GUCY1A2: variants seen among roughly 807,000 people sequenced by gnomAD.
The protein encoded by GUCY1A2 is guanylate cyclase soluble subunit alpha-2.
In GUCY1A2, 27 loss-of-function variants were observed where a neutral mutation model predicts 63.5. The ratio of observed to expected loss-of-function variants is 0.43; its 90% CI spans 0.31 to 0.59. The LOEUF is 0.59. Ranked by LOEUF, GUCY1A2 falls within the 20% of genes least tolerant of loss-of-function variation. The pLI is 0.11. For synonymous variants in GUCY1A2, 364 were observed against 343.5 expected, an observed-to-expected ratio of 1.06 and a Z score of -0.66; for missense variants, 768 against 913.3, an observed-to-expected ratio of 0.84 and a Z score of 2.05.
chr11:106,978,479 C>A, intron 3 of GUCY1A2, 140 bp downstream of exon 3: 1 of 559,436 alleles, frequency 1.8e-6, no homozygotes, highest in Admixed American at 3.5e-5. Context: ...GGAGAGTTAA[C>A]ACCCATCACT....
At chr11:106,847,241 A>AAAT (rs1555039762) in intron 4 of GUCY1A2, among the ~76,000 whole-genome samples, 108 of 143,556 alleles carry the variant, frequency 7.5e-4, no homozygotes, top group Non-Finnish European at 1.2e-3. Context: ...CAAAAAAAAA[A>AAAT]ATATATATAT....
chr11:106,900,041 A>C (rs1860107522), intron 4 of GUCY1A2, among the ~76,000 whole-genome samples: 2 of 150,074 alleles, frequency 1.3e-5, no homozygotes, highest in African/African-American at 2.5e-5. Context: ...AGCTAAGATC[A>C]GGCCACTGCA....
intron 4 of GUCY1A2, among the ~76,000 whole-genome samples, chr11:106,828,275 C>A (rs1368809528): frequency 7.0e-6 from 1 of 143,346 alleles, no homozygotes; most frequent in Non-Finnish European, 1.5e-5. Flanking sequence ...TTGACTAGGC[C>A]CATGTTCAGA....
At position 106,683,877 on chromosome 11, in the gene GUCY1A2, C is replaced by T. The variant is rs1487460906; in HGVS notation, c.*3672G>A. The stretch of plus-strand genomic sequence containing the variant: ...CCTTACGACTTTAGATACACAATTT[C>T]ATTCAGCAGCAGTATGATTCTATAC... On this transcript the variant is annotated 3_prime_UTR_variant, in exon 8 of 8. Transcript: ENST00000526355. The T allele has an allele frequency of 9.8e-6, 2 of 203,600 alleles. No homozygotes were observed. The highest frequency in any genetic ancestry group is 2.0e-5 in the Non-Finnish European group (2 of 99,202). The allele number at this position is 203,600 out of a possible 1,614,324, so 12.6% of individuals were successfully genotyped here.
At chr11:106,888,097 T>C (rs1241573432) in intron 4 of GUCY1A2, among the ~76,000 whole-genome samples, 3 of 152,106 alleles carry the variant, frequency 2.0e-5, no homozygotes, top group Non-Finnish European at 4.4e-5. Context: ...CACCTGTGCC[T>C]ACACAGGGCA....
chr11:106,842,826 G>A (rs1317746802), intron 4 of GUCY1A2, among the ~76,000 whole-genome samples: 1 of 151,906 alleles, frequency 6.6e-6, no homozygotes, highest in East Asian at 1.9e-4. Context: ...ATAAGCTTCT[G>A]AGATTCTGTA....
At chr11:106,791,477 T>TTG (rs3042503) in intron 5 of GUCY1A2, among the ~76,000 whole-genome samples, 20 of 151,174 alleles carry the variant, frequency 1.3e-4, no homozygotes, top group African/African-American at 2.2e-4. Context: ...ATGGAGGTAT[T>TTG]TGTGTGTGTG....
chr11:106,687,826 A>G, intron 7 of GUCY1A2, 70 bp from the exon 8 acceptor site: 1 of 1,054,154 alleles, frequency 9.5e-7, no homozygotes, highest in Non-Finnish European at 1.5e-6. Flanking sequence ...CAGAAATTTT[A>G]AAGGCTCAGG....
intron 1 of GUCY1A2, among the ~76,000 whole-genome samples, chr11:107,001,998 G>A (rs932899869): frequency 4.0e-5 from 6 of 150,234 alleles, no homozygotes; most frequent in Admixed American, 4.0e-4. Flanking sequence ...CAGCCTGGGC[G>A]ACAGAGTGAG....
intron 4 of GUCY1A2, among the ~76,000 whole-genome samples, chr11:106,935,932 T>A (rs143356740): frequency 3.3e-5 from 5 of 152,154 alleles, no homozygotes; most frequent in African/African-American, 1.2e-4. Context: ...AAGTATGATT[T>A]GTAAAGGAGT....
chr11:106,720,207 A>G, intron 6 of GUCY1A2, among the ~76,000 whole-genome samples: 1 of 152,222 alleles, frequency 6.6e-6, no homozygotes, highest in East Asian at 1.9e-4. Context: ...TTTCGTGGCA[A>G]ACACAAAACA....
intron 5 of GUCY1A2, among the ~76,000 whole-genome samples, chr11:106,781,428 A>G (rs1333247112): frequency 6.6e-6 from 1 of 152,184 alleles, no homozygotes; most frequent in Admixed American, 6.5e-5. Flanking sequence ...ACATATTACT[A>G]TAGCTGCTTT....
chr11:106,820,287 T>A (rs998830289), intron 4 of GUCY1A2, among the ~76,000 whole-genome samples: 1 of 152,184 alleles, frequency 6.6e-6, no homozygotes, highest in African/African-American at 2.4e-5. Context: ...ACTTAATATC[T>A]AAAACCTACC....
intron 1 of GUCY1A2, among the ~76,000 whole-genome samples, chr11:107,012,751 C>A (rs1263991380): frequency 6.6e-6 from 1 of 152,166 alleles, no homozygotes; most frequent in African/African-American, 2.4e-5. Context: ...AAACATTAAA[C>A]AACTGAAATA....
At chr11:106,874,964 C>A (rs190306070) in intron 4 of GUCY1A2, among the ~76,000 whole-genome samples, 1 of 151,906 alleles carries the variant, frequency 6.6e-6, no homozygotes, top group East Asian at 1.9e-4. Flanking sequence ...CCCCAGGAAT[C>A]CCCCAACATT....
intron 7 of GUCY1A2, among the ~76,000 whole-genome samples, chr11:106,698,069 C>T (rs1862749965): frequency 6.7e-6 from 1 of 149,254 alleles, no homozygotes; most frequent in African/African-American, 2.5e-5. Context: ...ATATAAGATC[C>T]TCTGTTATGT....
intron 4 of GUCY1A2, among the ~76,000 whole-genome samples, chr11:106,922,715 ATG>A (rs1352837895): frequency 2.4e-5 from 3 of 126,902 alleles, no homozygotes; most frequent in Admixed American, 8.0e-5. Context: ...ATATATATAT[ATG>A]TACTCACAAT....
chr11:106,894,153 A>G (rs1860012994), intron 4 of GUCY1A2, among the ~76,000 whole-genome samples: 1 of 152,226 alleles, frequency 6.6e-6, no homozygotes, highest in South Asian at 2.1e-4. Context: ...ATGGAGGAAG[A>G]GAAATACCCA....
intron 4 of GUCY1A2, among the ~76,000 whole-genome samples, chr11:106,896,021 A>AAT (rs1344371242): frequency 2.2e-4 from 32 of 145,176 alleles, no homozygotes; most frequent in African/African-American, 2.5e-4. Flanking sequence ...AAAAAAAAAA[A>AAT]ATATATATAT....
Sources: gnomAD v4.1 joint callset for allele counts (sites outside exome capture counted in the v4.1 genomes callset) on GRCh38, gnomAD v4.1.1 for gene constraint, MANE v1.5 for transcripts, NCBI Gene and HGNC (gene_info 2026-07-23, HGNC 2026-07-21) for gene names.